Variants in DDX31 observed in about 807,000 individuals in gnomAD.
DDX31 encodes ATP-dependent DNA helicase DDX31.
Under a neutral mutation model 91.3 loss-of-function variants are expected in DDX31, and 70 were observed. The ratio of observed to expected loss-of-function variants is 0.77; its 90% CI spans 0.63 to 0.94. The LOEUF (loss-of-function observed/expected upper bound fraction) is 0.94, where lower values mean the gene tolerates loss of function less well. Ranked by LOEUF, DDX31 falls within the 40% of genes least tolerant of loss-of-function variation. The pLI is 0.00. For missense variants in DDX31, 902 were observed against 925.0 expected, an observed-to-expected ratio of 0.98 and a Z score of 0.32; for synonymous variants, 362 against 350.6, an observed-to-expected ratio of 1.03 and a Z score of -0.36.
At chr9:132,615,195 A>G (rs191949560) in intron 18 of DDX31, among the ~76,000 whole-genome samples, 3 of 152,284 alleles carry the variant, frequency 2.0e-5, no homozygotes, top group Admixed American at 6.5e-5. Flanking sequence ...GGGCAAATCT[A>G]TTTTCAAGTA....
chr9:132,630,352 C>A lies in DDX31; in HGVS notation c.1543G>T (p.Ala515Ser). 1 of 1,604,136 alleles carries A rather than the reference C, an allele frequency of 6.2e-7. No homozygotes were observed. Among genetic ancestry groups the A allele is most frequent in the Non-Finnish European group, 8.5e-7 (1 of 1,171,966 alleles). ...AEYIHRIGRT[A>S]RIGCHGSSLL... is the part of the protein sequence containing the mutation. Reference sequence around the variant, plus strand: ...CTGCTCCCATGGCAGCCAATCCGGGCGGTTCTTCCAATCCGGTGGATGTAT... The same window carrying A: ...CTGCTCCCATGGCAGCCAATCCGGGAGGTTCTTCCAATCCGGTGGATGTAT... Residue 515 changes from alanine to serine, a missense_variant, in exon 16 of 20, where the codon GCC becomes TCC. By Grantham distance (99) the Ala-to-Ser change is moderately conservative. Coordinates refer to ENST00000372159, the MANE Select transcript of DDX31 (RefSeq NM_022779.9).
chr9:132,659,192 AC>A (rs1759041388), intron 5 of DDX31, among the ~76,000 whole-genome samples: 1 of 152,144 alleles, frequency 6.6e-6, no homozygotes, highest in South Asian at 2.1e-4. Flanking sequence ...GATGGCAAAA[AC>A]TTTGGGTATC....
intron 7 of DDX31, among the ~76,000 whole-genome samples, chr9:132,652,149 A>C (rs955490192): frequency 5.3e-5 from 8 of 152,332 alleles, no homozygotes; most frequent in African/African-American, 1.9e-4. Context: ...AAAGTTGCTA[A>C]AAAATTGCAT....
intron 17 of DDX31, among the ~76,000 whole-genome samples, chr9:132,622,226 T>C (rs1379800761): frequency 6.6e-6 from 1 of 152,200 alleles, no homozygotes. Context: ...CTGCCTGAGA[T>C]TGCAGAGCTA....
chr9:132,594,774 G>A lies in DDX31; in HGVS notation c.*92C>T. On this transcript the variant is annotated 3_prime_UTR_variant, in exon 20 of 20. Coordinates refer to ENST00000372159, the MANE Select transcript of DDX31 (RefSeq NM_022779.9). The stretch of plus-strand genomic sequence containing the variant: ...GACGTGGTATTCAGGCAAAGGCGCA[G>A]TTATTTTTCACAAGCCTCCTCTGAC... 2 of 1,544,710 alleles carry A rather than the reference G, an allele frequency of 1.3e-6. No individual in the cohort carries two copies. Among genetic ancestry groups the A allele is most frequent in the Non-Finnish European group, 8.7e-7 (1 of 1,146,390 alleles).
intron 1 of DDX31, chr9:132,663,261 C>T (rs1835100382): frequency 1.6e-6 from 2 of 1,289,118 alleles, no homozygotes; most frequent in African/African-American, 1.5e-5. Context: ...ATTCTCTCCT[C>T]TCAAGCTGCT....
chr9:132,663,135 CA>C, intron 1 of DDX31: 11 of 1,271,336 alleles, frequency 8.7e-6, no homozygotes, highest in Non-Finnish European at 1.0e-5. Flanking sequence ...TCTCCACCAA[CA>C]AAGCACACTG....
At chr9:132,654,339 G>C (rs764180487) in intron 6 of DDX31, among the ~76,000 whole-genome samples, 5 of 152,122 alleles carry the variant, frequency 3.3e-5, no homozygotes, top group Non-Finnish European at 7.4e-5. Context: ...GGCCAGGCAC[G>C]GTGGCTCACG....
intron 18 of DDX31, among the ~76,000 whole-genome samples, chr9:132,617,204 A>G (rs1422565485): frequency 6.6e-6 from 1 of 152,080 alleles, no homozygotes; most frequent in Non-Finnish European, 1.5e-5. Flanking sequence ...CTTCCTTTAG[A>G]GAGCCACGGG....
rs1191960183 is a variant in DDX31, at chr9:132,669,974, T to G, written c.-40A>C. ...ACGCGTGGTGCAGCAGCGAGCCCGG[T>G]GCGCAGACTGCTGGGCCCGGGACCC... On this transcript the variant is annotated 5_prime_UTR_variant, in exon 1 of 20. Coordinates refer to ENST00000372159, the MANE Select transcript of DDX31 (RefSeq NM_022779.9). 15 of 1,575,518 alleles carry G rather than the reference T, an allele frequency of 9.5e-6. No individual in the cohort carries two copies. The highest frequency in any genetic ancestry group is 3.3e-4 in the Middle Eastern group (2 of 6,012).
chr9:132,663,848 C>T (rs1835140452), intron 1 of DDX31, among the ~76,000 whole-genome samples: 3 of 152,116 alleles, frequency 2.0e-5, no homozygotes, highest in South Asian at 2.1e-4. Flanking sequence ...TTATTTTTTA[C>T]AAAATCTCAA....
intron 19 of DDX31, among the ~76,000 whole-genome samples, chr9:132,603,975 T>C (rs1044688545): frequency 1.8e-4 from 27 of 151,898 alleles, no homozygotes; most frequent in Admixed American, 1.6e-3. Flanking sequence ...AAAAAAACCA[T>C]GGTGGAAGCA....
intron 14 of DDX31, among the ~76,000 whole-genome samples, chr9:132,632,423 G>T (rs1685560323): frequency 6.6e-6 from 1 of 152,038 alleles, no homozygotes; most frequent in Admixed American, 6.6e-5. Context: ...TTTGCTAAAA[G>T]AATCCACAGG....
chr9:132,663,115 G>C, intron 1 of DDX31: 9 of 1,222,470 alleles, frequency 7.4e-6, no homozygotes, highest in South Asian at 2.5e-5. Flanking sequence ...GGGGGAAAAC[G>C]AATCTTTTCT....
chr9:132,651,571 C>T (rs555348767), intron 7 of DDX31, among the ~76,000 whole-genome samples: 21 of 152,352 alleles, frequency 1.4e-4, no homozygotes, highest in African/African-American at 5.0e-4. Context: ...CTGTATTCTA[C>T]AACTGTGCCA....
intron 14 of DDX31, among the ~76,000 whole-genome samples, chr9:132,635,311 G>A (rs1391752733): frequency 6.6e-6 from 1 of 152,092 alleles, no homozygotes; most frequent in Admixed American, 6.5e-5. Context: ...AGCATTTACT[G>A]ATGGCCCTTG....
intron 16 of DDX31, among the ~76,000 whole-genome samples, chr9:132,626,507 G>A (rs1027418915): frequency 6.6e-6 from 1 of 152,162 alleles, no homozygotes; most frequent in African/African-American, 2.4e-5. Context: ...AGAGACTTGC[G>A]TGTCAGAGAT....
At chr9:132,631,907 A>T in intron 15 of DDX31, 134 bp downstream of exon 15, 1 of 739,736 alleles carries the variant, frequency 1.4e-6, no homozygotes, top group Non-Finnish European at 2.2e-6. Flanking sequence ...TTGAACAGAT[A>T]AGGCTGGTTT....
At chr9:132,642,445 C>T (rs1003557216) in intron 13 of DDX31, among the ~76,000 whole-genome samples, 1 of 152,114 alleles carries the variant, frequency 6.6e-6, no homozygotes, top group Non-Finnish European at 1.5e-5. Context: ...TAAAGAATAA[C>T]CAACCTTCTC....
Sources: gnomAD v4.1 joint callset for allele counts (sites outside exome capture counted in the v4.1 genomes callset) on GRCh38, gnomAD v4.1.1 for gene constraint, MANE v1.5 for transcripts, NCBI Gene and HGNC (gene_info 2026-07-23, HGNC 2026-07-21) for gene names.